EPB41L3: variants seen among roughly 807,000 people sequenced by gnomAD.
The protein encoded by EPB41L3 is erythrocyte membrane protein band 4.1 like 3.
A neutral mutation model predicts 127.1 loss-of-function variants in EPB41L3; 57 were observed. The observed-to-expected ratio is 0.45, with a 90% confidence interval of 0.36 to 0.56. The LOEUF (loss-of-function observed/expected upper bound fraction) is 0.56. Ranked by LOEUF, EPB41L3 falls within the 20% of genes least tolerant of loss-of-function variation. The pLI is 0.00. For missense variants in EPB41L3, 1,273 were observed against 1,372.2 expected, an observed-to-expected ratio of 0.93 and a Z score of 1.14; for synonymous variants, 572 against 549.5, an observed-to-expected ratio of 1.04 and a Z score of -0.57.
chr18:5,459,637 G>A (rs932735146), intron 3 of EPB41L3, among the ~76,000 whole-genome samples: 1 of 152,100 alleles, frequency 6.6e-6, no homozygotes, highest in African/African-American at 2.4e-5. Context: ...TACTGAATGA[G>A]AATGTTTTAA....
At chr18:5,537,223 AT>A in intron 1 of EPB41L3, among the ~76,000 whole-genome samples, 1 of 152,250 alleles carries the variant, frequency 6.6e-6, no homozygotes, top group East Asian at 1.9e-4. Context: ...GTTTTTCTGT[AT>A]TGTTAGACTA....
At chr18:5,529,932 G>A (rs796240674) in intron 1 of EPB41L3, among the ~76,000 whole-genome samples, 1 of 138,278 alleles carries the variant, frequency 7.2e-6, no homozygotes, top group Non-Finnish European at 1.5e-5. Context: ...TCATATATGT[G>A]TGTGTGTGTG....
intron 12 of EPB41L3, 143 bp from the exon 13 acceptor site, chr18:5,416,521 A>T: frequency 1.2e-6 from 1 of 806,430 alleles, no homozygotes. Flanking sequence ...GTTGCTCATG[A>T]ATGTTAAAGT....
At chr18:5,610,208 C>A (rs1199215652) in intron 3 of EPB41L3, 6 of 985,228 alleles carry the variant, frequency 6.1e-6, no homozygotes, top group African/African-American at 3.5e-5. Context: ...GGTCCATATT[C>A]CATGTTCCAA....
chr18:5,534,032 G>A (rs758577827), intron 1 of EPB41L3, among the ~76,000 whole-genome samples: 5 of 152,076 alleles, frequency 3.3e-5, no homozygotes, highest in African/African-American at 7.2e-5. Flanking sequence ...GCGTGGTGGC[G>A]GGCGCCTGTA....
At chr18:5,444,694 T>C (rs1436464816) in intron 4 of EPB41L3, among the ~76,000 whole-genome samples, 3 of 152,062 alleles carry the variant, frequency 2.0e-5, no homozygotes, top group African/African-American at 4.8e-5. Flanking sequence ...AAATGAAAAA[T>C]AGGACAGCAG....
At chr18:5,507,164 G>A (rs1409749510) in intron 1 of EPB41L3, among the ~76,000 whole-genome samples, 1 of 151,990 alleles carries the variant, frequency 6.6e-6, no homozygotes, top group Non-Finnish European at 1.5e-5. Flanking sequence ...ATGAATGAGG[G>A]TCTGCTATAG....
chr18:5,605,614 T>C (rs1394876604), intron 3 of EPB41L3, among the ~76,000 whole-genome samples: 1 of 152,084 alleles, frequency 6.6e-6, no homozygotes, highest in African/African-American at 2.4e-5. Flanking sequence ...TTTTTATTGT[T>C]AGGTCTTTCT....
intron 3 of EPB41L3, among the ~76,000 whole-genome samples, chr18:5,452,817 G>A (rs530080439): frequency 6.3e-4 from 96 of 151,768 alleles, no homozygotes; most frequent in African/African-American, 2.2e-3. Context: ...TTTAAAAAAC[G>A]GAGACAGTTT....
chr18:5,465,225 T>C (rs560512760), intron 3 of EPB41L3, among the ~76,000 whole-genome samples: 15 of 152,368 alleles, frequency 9.8e-5, no homozygotes, highest in Non-Finnish European at 1.8e-4. Context: ...TAAAACAATC[T>C]TAAGCACAAT....
rs550017305 is a variant in EPB41L3 at position 5,603,947 on chromosome 18, A to G, written c.-306+8393T>C. On this transcript the variant is annotated intron_variant, in intron 3 of 21. Coordinates refer to the EPB41L3 transcript ENST00000545076. ...AAGTTAACATTTCCTGGAAGGGTCAAACTCAAATCTCTGGAAGTTCAAAGC... is the reference window on the plus strand; with the variant it reads ...AAGTTAACATTTCCTGGAAGGGTCAGACTCAAATCTCTGGAAGTTCAAAGC... 2.6e-5 allele frequency among the ~76,000 whole-genome samples: 4 copies of G among 152,244 alleles called. No homozygotes were observed. In the East Asian group the frequency reaches 7.7e-4, roughly 29 times the overall value.
At chr18:5,478,840 T>G (rs1362188900) in intron 2 of EPB41L3, among the ~76,000 whole-genome samples, 1 of 152,232 alleles carries the variant, frequency 6.6e-6, no homozygotes, top group Non-Finnish European at 1.5e-5. Flanking sequence ...CTCTACAACT[T>G]GTTATACAGC....
intron 2 of EPB41L3, among the ~76,000 whole-genome samples, chr18:5,484,101 A>AAAAAAAAAAAAAAAAAAAAAC (rs2089206028): frequency 7.4e-6 from 1 of 134,500 alleles, no homozygotes. Flanking sequence ...AAAAAAAAAA[A>AAAAAAAAAAAAAAAAAAAAAC]AAAAAAAAAA....
intron 1 of EPB41L3, among the ~76,000 whole-genome samples, chr18:5,615,763 G>C (rs1272843508): frequency 6.6e-6 from 1 of 152,110 alleles, no homozygotes; most frequent in African/African-American, 2.4e-5. Flanking sequence ...AGGTAACTGT[G>C]ATCTATATGC....
At chr18:5,497,971 G>A (rs1392156758) in intron 1 of EPB41L3, among the ~76,000 whole-genome samples, 1 of 152,118 alleles carries the variant, frequency 6.6e-6, no homozygotes, top group Non-Finnish European at 1.5e-5. Flanking sequence ...TATCACTGAT[G>A]CTGCCATTAT....
chr18:5,563,741 T>C (rs1016339747), intron 3 of EPB41L3, among the ~76,000 whole-genome samples: 7 of 151,990 alleles, frequency 4.6e-5, no homozygotes, highest in Admixed American at 1.3e-4. Context: ...GGAGAAGGGA[T>C]TGGGGAGAAA....
intron 11 of EPB41L3, among the ~76,000 whole-genome samples, chr18:5,421,118 G>A (rs2077418020): frequency 6.6e-6 from 1 of 152,172 alleles, no homozygotes; most frequent in Admixed American, 6.5e-5. Flanking sequence ...CAAGGAGTGA[G>A]AGACAACACA....
chr18:5,431,136 A>C (rs954746534), intron 8 of EPB41L3: 1 of 152,212 alleles, frequency 6.6e-6, no homozygotes, highest in Non-Finnish European at 1.5e-5. Flanking sequence ...ATCAAGATGC[A>C]CATTAAGTGA....
At chr18:5,575,398 T>C (rs937434512) in intron 3 of EPB41L3, among the ~76,000 whole-genome samples, 8 of 152,136 alleles carry the variant, frequency 5.3e-5, no homozygotes, top group Admixed American at 5.2e-4. Context: ...TTCTCGCCCC[T>C]GTTTGTTACC....
Sources: allele counts gnomAD v4.1 joint callset (sites outside exome capture counted in the v4.1 genomes callset), GRCh38; gene constraint gnomAD v4.1.1; transcripts MANE v1.5; gene names NCBI Gene and HGNC (gene_info 2026-07-23, HGNC 2026-07-21).